The following KLHL8 variants were observed in gnomAD, a reference collection of about 807,000 sequenced individuals.
KLHL8 encodes the protein kelch-like protein 8.
In KLHL8, 38 loss-of-function variants were observed where a neutral mutation model predicts 63.5. The ratio of observed to expected loss-of-function variants is 0.60; its 90% confidence interval spans 0.46 to 0.78. KLHL8 has a LOEUF of 0.78. KLHL8 is among the 30% of genes least tolerant of loss of function. KLHL8 has a pLI of 0.00. For synonymous variants in KLHL8, 224 were observed against 254.3 expected (o/e 0.88, Z 1.13); for missense variants, 566 against 752.4 (o/e 0.75, Z 2.90).
chr4:87,221,080 T>G (rs1176194877), upstream of KLHL8: 1 of 152,216 alleles, frequency 6.6e-6, no homozygotes, highest in East Asian at 1.9e-4. Flanking sequence ...AGCAGTTGAT[T>G]GACCTGAGAG....
At chr4:87,209,133 T>C (rs1004296261) in intron 1 of KLHL8, among the ~76,000 whole-genome samples, 3 of 152,194 alleles carry the variant, frequency 2.0e-5, no homozygotes, top group African/African-American at 7.2e-5. Context: ...TATATTAGTA[T>C]CAAGTAAATA....
chr4:87,172,461 A>G (rs2149832176), intron 6 of KLHL8, among the ~76,000 whole-genome samples: 1 of 152,342 alleles, frequency 6.6e-6, no homozygotes, highest in East Asian at 1.9e-4. Flanking sequence ...TGCTATTTTA[A>G]GCTGCTAAAT....
At chr4:87,227,356 T>G (rs1428358755) in intron 1 of KLHL8, among the ~76,000 whole-genome samples, 1 of 152,092 alleles carries the variant, frequency 6.6e-6, no homozygotes, top group Non-Finnish European at 1.5e-5. Context: ...TATTTGACAC[T>G]GGAGACGGGG....
At chr4:87,230,006 A>G (rs1733107350) in intron 1 of KLHL8, among the ~76,000 whole-genome samples, 1 of 151,978 alleles carries the variant, frequency 6.6e-6, no homozygotes, top group South Asian at 2.1e-4. Flanking sequence ...TCTCAAGTTC[A>G]TTCCCACCCT....
In KLHL8 at chr4:87,160,482, T is replaced by C. The variant is rs1450712724; in HGVS notation, c.*3037A>G. 2.6e-5 allele frequency: 4 copies of C among 152,222 alleles called. No homozygotes were observed. The highest frequency in any genetic ancestry group is 2.1e-4 in the South Asian group (1 of 4,826). 9.4% of individuals were successfully genotyped at this position (152,222 alleles called of 1,614,324 possible). A position where few individuals can be genotyped will look rare whatever the true frequency, so the allele number is the denominator to read the frequency against. On this transcript the variant is annotated 3_prime_UTR_variant, in exon 10 of 10. Coordinates refer to ENST00000273963, the MANE Select transcript of KLHL8 (RefSeq NM_020803.5). ...GTTTACCATTTACAAGAATAGTTTATGCAATTTCAAGAAGTCCTTACCAAG... is the reference window on the plus strand; with the variant it reads ...GTTTACCATTTACAAGAATAGTTTACGCAATTTCAAGAAGTCCTTACCAAG...
At chr4:87,169,123 G>A (rs1304375340) in intron 8 of KLHL8, among the ~76,000 whole-genome samples, 1 of 151,826 alleles carries the variant, frequency 6.6e-6, no homozygotes, top group Non-Finnish European at 1.5e-5. Context: ...TGGCAAACAC[G>A]ATGAAACCCT....
intron 1 of KLHL8, among the ~76,000 whole-genome samples, chr4:87,234,799 G>A (rs868523414): frequency 2.0e-5 from 3 of 152,162 alleles, no homozygotes; most frequent in African/African-American, 7.2e-5. Context: ...CTCCATGTGG[G>A]TTATTGCCCC....
chr4:87,161,041 C>CTTTTTTTTTTTTT lies in KLHL8; in HGVS notation c.*2465_*2477dup, dbSNP rs71660119. On this transcript the variant is annotated 3_prime_UTR_variant, in exon 10 of 10. Transcript: ENST00000273963. ...GCACATATTGATTCTGCTTTTTTAT[C>CTTTTTTTTTTTTT]TTTTTTTTTTTTTTTTTTTTGAGAT... 3.5e-5 allele frequency: 4 copies of CTTTTTTTTTTTTT among 115,086 alleles called. No homozygotes were observed. The highest frequency in any genetic ancestry group is 3.5e-5 in the Non-Finnish European group (2 of 57,794). 7.1% of individuals were successfully genotyped at this position (115,086 alleles called of 1,614,324 possible).
At chr4:87,199,989 A>C (rs1048505109) in intron 1 of KLHL8, among the ~76,000 whole-genome samples, 3 of 151,642 alleles carry the variant, frequency 2.0e-5, no homozygotes, top group African/African-American at 7.3e-5. Context: ...AAAAATACAA[A>C]AATTAGCTGG....
chr4:87,188,057 TTC>T (rs1731335260), intron 2 of KLHL8, among the ~76,000 whole-genome samples: 1 of 152,286 alleles, frequency 6.6e-6, no homozygotes, highest in South Asian at 2.1e-4. Flanking sequence ...AGACAATCAT[TTC>T]TGTCTGTTAT....
chr4:87,228,126 A>C (rs2110068793), intron 1 of KLHL8, among the ~76,000 whole-genome samples: 1 of 152,306 alleles, frequency 6.6e-6, no homozygotes, highest in Admixed American at 6.5e-5. Context: ...CTATGAGGAA[A>C]GGACATGGAA....
intron 2 of KLHL8, among the ~76,000 whole-genome samples, chr4:87,192,282 T>G (rs1273361419): frequency 2.6e-5 from 4 of 152,196 alleles, no homozygotes; most frequent in Admixed American, 2.6e-4. Flanking sequence ...TCTGTTATTT[T>G]TTGACTTTTT....
At chr4:87,213,464 A>G (rs542510814) in intron 1 of KLHL8, among the ~76,000 whole-genome samples, 1 of 152,352 alleles carries the variant, frequency 6.6e-6, no homozygotes, top group African/African-American at 2.4e-5. Flanking sequence ...AGGGATAGCT[A>G]TGCCATCCAG....
At chr4:87,174,543 T>A (rs1430008967) in intron 6 of KLHL8, among the ~76,000 whole-genome samples, 1 of 152,168 alleles carries the variant, frequency 6.6e-6, no homozygotes, top group Non-Finnish European at 1.5e-5. Flanking sequence ...CCTCCCAAAG[T>A]GCTGGGATTA....
chr4:87,167,993 G>A (rs1007534201), intron 8 of KLHL8, among the ~76,000 whole-genome samples: 4 of 152,144 alleles, frequency 2.6e-5, no homozygotes, highest in African/African-American at 9.7e-5. Context: ...TAACTTCTCA[G>A]AAGACAGATG....
At chr4:87,195,944 C>G (rs561007723) in intron 1 of KLHL8, among the ~76,000 whole-genome samples, 10 of 152,184 alleles carry the variant, frequency 6.6e-5, no homozygotes, top group Non-Finnish European at 1.2e-4. Flanking sequence ...AATATGCTAT[C>G]TTCAAAGAGA....
At chr4:87,238,546 T>G (rs911073023) in intron 1 of KLHL8, among the ~76,000 whole-genome samples, 1 of 152,166 alleles carries the variant, frequency 6.6e-6, no homozygotes, top group Non-Finnish European at 1.5e-5. Context: ...TCTGTTCTTT[T>G]TAATAATGTA....
chr4:87,193,658 T>C (rs1032487140), intron 2 of KLHL8, among the ~76,000 whole-genome samples: 4 of 152,236 alleles, frequency 2.6e-5, no homozygotes, highest in African/African-American at 9.6e-5. Context: ...AGGCACTATA[T>C]ATAACCATGT....
At chr4:87,231,766 T>G (rs1175881496) in intron 1 of KLHL8, among the ~76,000 whole-genome samples, 1 of 152,052 alleles carries the variant, frequency 6.6e-6, no homozygotes. Context: ...CCAGCCAATT[T>G]TTTTAGTTTT....
Sources: allele counts gnomAD v4.1 joint callset (sites outside exome capture counted in the v4.1 genomes callset), GRCh38; gene constraint gnomAD v4.1.1; transcripts MANE v1.5; gene names NCBI Gene and HGNC (gene_info 2026-07-23, HGNC 2026-07-21).